The following CDYL variants were observed in gnomAD, a reference collection of about 807,000 sequenced individuals.
The protein encoded by CDYL is chromodomain Y-like protein.
In CDYL, 8 loss-of-function variants were observed where a neutral mutation model predicts 47.3. That is an observed-to-expected ratio of 0.17 (90% confidence interval 0.10 to 0.31). CDYL has a LOEUF of 0.31. Ranked by LOEUF, CDYL falls within the 10% of genes least tolerant of loss-of-function variation. The pLI, the probability that CDYL is intolerant of heterozygous loss-of-function variation, is 1.00. For synonymous variants in CDYL, 266 were observed against 265.0 expected (o/e 1.00, Z -0.04); for missense variants, 471 against 701.4 (o/e 0.67, Z 3.71).
intron 2 of CDYL, among the ~76,000 whole-genome samples, chr6:4,732,119 G>A (rs1298921325): frequency 1.3e-5 from 2 of 152,158 alleles, no homozygotes; most frequent in Admixed American, 6.5e-5. Context: ...AGGATCACTT[G>A]AGCCAAGGAG....
chr6:4,718,128 G>A (rs9378409), intron 2 of CDYL, among the ~76,000 whole-genome samples: 19,332 of 151,968 alleles, frequency 0.13, 1,503 homozygotes, highest in African/African-American at 0.23. Flanking sequence ...TGAGCCACTA[G>A]ACCAGGTCCC....
intron 1 of CDYL, among the ~76,000 whole-genome samples, chr6:4,829,501 C>T (rs956003745): frequency 2.6e-5 from 4 of 152,152 alleles, no homozygotes; most frequent in South Asian, 2.1e-4. Context: ...AGGTGAAAGC[C>T]GAGAAACTTC....
At chr6:4,890,647 G>A (rs1762016541) in intron 1 of CDYL, among the ~76,000 whole-genome samples, 1 of 152,202 alleles carries the variant, frequency 6.6e-6, no homozygotes, top group Admixed American at 6.5e-5. Context: ...CTACTCATTA[G>A]GCTCGAGTAT....
intron 1 of CDYL, among the ~76,000 whole-genome samples, chr6:4,709,423 T>A (rs1262899518): frequency 6.6e-6 from 1 of 152,194 alleles, no homozygotes; most frequent in Non-Finnish European, 1.5e-5. Flanking sequence ...GTCTTGAACT[T>A]CTGACCTTGT....
intron 1 of CDYL, among the ~76,000 whole-genome samples, chr6:4,855,838 A>C (rs980133969): frequency 2.0e-5 from 3 of 152,216 alleles, no homozygotes; most frequent in Non-Finnish European, 4.4e-5. Flanking sequence ...AGAAAAATGT[A>C]GCTCTCACTA....
chr6:4,785,262 G>A (rs960169562), intron 1 of CDYL, among the ~76,000 whole-genome samples: 4 of 152,168 alleles, frequency 2.6e-5, no homozygotes, highest in Non-Finnish European at 2.9e-5. Flanking sequence ...GCCTAACAAC[G>A]CATTTCTGAG....
At position 4,955,136 on chromosome 6, in the gene CDYL, A is replaced by G. The variant is rs902035663; in HGVS notation, c.*1080A>G. On this transcript the variant is annotated 3_prime_UTR_variant, in exon 7 of 7. Transcript: ENST00000397588. ...GTTCTTGGCCTCTGCTTTTATGTCT[A>G]TACAATATACTGAGTTCAGTATGGT... is the stretch of plus-strand genomic sequence containing the variant. 2.6e-5 allele frequency: 4 copies of G among 152,612 alleles called. No individual in the cohort carries two copies. The highest frequency in any genetic ancestry group is 4.8e-5 in the African/African-American group (2 of 41,430). 9.5% of individuals were successfully genotyped at this position (152,612 alleles called of 1,614,324 possible).
chr6:4,841,414 T>C (rs1337866593), intron 1 of CDYL, among the ~76,000 whole-genome samples: 2 of 152,140 alleles, frequency 1.3e-5, no homozygotes, highest in East Asian at 3.8e-4. Context: ...TTTTGATCTT[T>C]GTTATTTCTT....
chr6:4,773,432 AG>A (rs1376680539), upstream of CDYL, among the ~76,000 whole-genome samples: 1 of 152,188 alleles, frequency 6.6e-6, no homozygotes, highest in Non-Finnish European at 1.5e-5. This position sits in a 1 kb window ranked among gnomAD's most constrained non-coding sequence, Gnocchi z 4.6. Flanking sequence ...GTTTCATAAA[AG>A]GTGGTGGAAA....
chr6:4,825,862 AAAAAG>A (rs1028909156), intron 1 of CDYL, among the ~76,000 whole-genome samples: 1 of 152,028 alleles, frequency 6.6e-6, no homozygotes, highest in African/African-American at 2.4e-5. Context: ...AAAAAAAAAA[AAAAAG>A]AGAGTCACCT....
chr6:4,933,917 A>G (rs558713207), intron 2 of CDYL, among the ~76,000 whole-genome samples: 11 of 152,320 alleles, frequency 7.2e-5, no homozygotes, highest in African/African-American at 2.6e-4. Context: ...GTGCATCCCT[A>G]CCTTGGGCCT....
intron 3 of CDYL, among the ~76,000 whole-genome samples, chr6:4,760,005 A>G (rs567271506): frequency 4.6e-4 from 70 of 151,478 alleles, no homozygotes; most frequent in Non-Finnish European, 8.6e-4. Context: ...ATTTTCCTTG[A>G]AGAGATTAGT....
intron 2 of CDYL, among the ~76,000 whole-genome samples, chr6:4,917,285 C>T (rs1322754539): frequency 2.0e-5 from 3 of 152,132 alleles, no homozygotes; most frequent in African/African-American, 7.2e-5. Flanking sequence ...TTAGAATCTT[C>T]GTTTTAATGG....
chr6:4,886,639 C>T lies in CDYL; in HGVS notation c.25-5074C>T, dbSNP rs555133917. Among the ~76,000 whole-genome samples the T allele has an allele frequency of 6.0e-4, 91 of 151,566 alleles. 1 individual carries two copies. In the South Asian group the frequency reaches 8.0e-3, roughly 13 times the overall value. On this transcript the variant is annotated intron_variant, in intron 1 of 6. Coordinates refer to ENST00000397588, the MANE Select transcript of CDYL (RefSeq NM_004824.4). ...AGTCCCTTATCAAAACAATTTTTTT[C>T]CTCCCATTCTGTAGGTTATTCTCTC...
chr6:4,855,056 G>T (rs1367546161), intron 1 of CDYL, among the ~76,000 whole-genome samples: 1 of 152,142 alleles, frequency 6.6e-6, no homozygotes, highest in African/African-American at 2.4e-5. Flanking sequence ...TCTAGACAAG[G>T]TTGCTTTAGG....
At chr6:4,941,425 G>C (rs1044597931) in intron 4 of CDYL, among the ~76,000 whole-genome samples, 1 of 152,168 alleles carries the variant, frequency 6.6e-6, no homozygotes, top group Non-Finnish European at 1.5e-5. Flanking sequence ...ACGAGTCTCT[G>C]TGTGCACCAC....
intron 5 of CDYL, among the ~76,000 whole-genome samples, chr6:4,951,485 C>T (rs957078669): frequency 6.6e-6 from 1 of 151,854 alleles, no homozygotes; most frequent in African/African-American, 2.4e-5. Context: ...ATCTAGAATC[C>T]AGGACAAGGT....
At chr6:4,916,647 CCT>C (rs1757564636) in intron 2 of CDYL, among the ~76,000 whole-genome samples, 1 of 152,214 alleles carries the variant, frequency 6.6e-6, no homozygotes, top group Admixed American at 6.5e-5. Flanking sequence ...CCTGCCTCCC[CCT>C]CTTTCAGTGA....
intron 3 of CDYL, among the ~76,000 whole-genome samples, chr6:4,768,591 AAATT>A (rs903184434): frequency 6.6e-6 from 1 of 152,070 alleles, no homozygotes; most frequent in African/African-American, 2.4e-5. Flanking sequence ...AAAAATGAAT[AAATT>A]AATAAGTGGG....
Sources: gnomAD v4.1 joint callset for allele counts (sites outside exome capture counted in the v4.1 genomes callset) on GRCh38, gnomAD v4.1.1 for gene constraint, Gnocchi (gnomAD v3.1) non-coding constraint, MANE v1.5 for transcripts, NCBI Gene and HGNC (gene_info 2026-07-23, HGNC 2026-07-21) for gene names.